ALPK2: variants seen among roughly 807,000 people sequenced by gnomAD.
ALPK2 encodes the protein alpha-protein kinase 2.
ALPK2 carries 127 observed loss-of-function variants against 163.1 expected under a neutral mutation model. The ratio of observed to expected loss-of-function variants is 0.78; its 90% CI spans 0.67 to 0.90. The LOEUF is 0.90. Ranked by LOEUF, ALPK2 falls within the 40% of genes least tolerant of loss-of-function variation. The pLI is 0.00. For missense variants in ALPK2, 2,360 were observed against 2,589.6 expected, an observed-to-expected ratio of 0.91 and a Z score of 1.92; for synonymous variants, 953 against 959.1, an observed-to-expected ratio of 0.99 and a Z score of 0.12.
intron 10 of ALPK2, among the ~76,000 whole-genome samples, chr18:58,504,671 C>T (rs575721874): frequency 1.3e-5 from 2 of 152,266 alleles, no homozygotes; most frequent in South Asian, 2.1e-4. Flanking sequence ...AGGGCTCTCA[C>T]CTTTAAATGA....
intron 8 of ALPK2, among the ~76,000 whole-genome samples, chr18:58,520,461 G>GGA (rs922198129): frequency 8.0e-6 from 1 of 125,016 alleles, no homozygotes; most frequent in African/African-American, 2.9e-5. Context: ...AAAAGAATCA[G>GGA]GAGAGACTCA....
At chr18:58,575,141 G>A (rs1228541285) in intron 4 of ALPK2, among the ~76,000 whole-genome samples, 2 of 149,124 alleles carry the variant, frequency 1.3e-5, no homozygotes, top group Admixed American at 1.3e-4. Flanking sequence ...TGAACCTGGG[G>A]GGCAGAGGTT....
At chr18:58,569,841 G>C (rs530386712) in intron 4 of ALPK2, among the ~76,000 whole-genome samples, 1 of 152,166 alleles carries the variant, frequency 6.6e-6, no homozygotes, top group Non-Finnish European at 1.5e-5. Flanking sequence ...AGAAACCTCC[G>C]CCCTTCTGGC....
chr18:58,482,662 C>T (rs1367875920), intron 12 of ALPK2, among the ~76,000 whole-genome samples: 1 of 152,186 alleles, frequency 6.6e-6, no homozygotes, highest in Admixed American at 6.5e-5. Flanking sequence ...TCTGGCAGAA[C>T]CTTTGTCTCC....
At chr18:58,565,272 G>C (rs1322369130) in intron 4 of ALPK2, among the ~76,000 whole-genome samples, 4 of 152,220 alleles carry the variant, frequency 2.6e-5, no homozygotes, top group Middle Eastern at 3.2e-3. Flanking sequence ...TCGATATTGA[G>C]AAGTGAAACT....
chr18:58,482,088 T>G (rs752439718), intron 12 of ALPK2, 49 bp from the exon 13 acceptor site: 1 of 1,429,430 alleles, frequency 7.0e-7, no homozygotes, highest in Non-Finnish European at 9.8e-7. Context: ...CAGGACACTT[T>G]CATCAGTTTA....
At chr18:58,508,861 A>C (rs554319681) in intron 10 of ALPK2, among the ~76,000 whole-genome samples, 26 of 151,632 alleles carry the variant, frequency 1.7e-4, no homozygotes, top group African/African-American at 6.3e-4. Context: ...CTTTCCGGTA[A>C]CAGCTCTATG....
At chr18:58,554,270 G>A (rs1349541533) in intron 4 of ALPK2, among the ~76,000 whole-genome samples, 1 of 152,204 alleles carries the variant, frequency 6.6e-6, no homozygotes, top group Non-Finnish European at 1.5e-5. Flanking sequence ...TCTCAGGGTA[G>A]ATCTATGTGG....
rs1415450050 is a variant in ALPK2 at position 58,536,046 on chromosome 18, G to A, written c.4141C>T (p.Leu1381Phe). ...AAGAAGGCAGTGTGATCCATCTTGA[G>A]TTGTTTTTCCTCCTGGTCTTGACTC... is the stretch of plus-strand genomic sequence containing the variant. ...NVSQDQEEKQ[L>F]KMDHTAFFKK... Residue 1381 changes from leucine to phenylalanine, a missense_variant, in exon 5 of 13, where the codon CTC becomes TTC. Transcript: ENST00000361673. The A allele has an allele frequency of 6.2e-7, 1 of 1,614,056 alleles. No individual in the cohort carries two copies. The highest frequency in any genetic ancestry group is 1.3e-5 in the African/African-American group (1 of 74,918).
At chr18:58,581,166 G>A (rs145887793) in intron 3 of ALPK2, among the ~76,000 whole-genome samples, 2 of 151,916 alleles carry the variant, frequency 1.3e-5, no homozygotes, top group Admixed American at 6.6e-5. Flanking sequence ...TTTATGTTAC[G>A]GGAATTTGAA....
chr18:58,486,936 G>A (rs1265338634), intron 12 of ALPK2, among the ~76,000 whole-genome samples: 1 of 152,220 alleles, frequency 6.6e-6, no homozygotes, highest in African/African-American at 2.4e-5. Flanking sequence ...GGAAGTGCAG[G>A]TTTCCCTGCT....
chr18:58,554,558 C>A (rs1216413208), intron 4 of ALPK2, among the ~76,000 whole-genome samples: 1 of 152,230 alleles, frequency 6.6e-6, no homozygotes, highest in Non-Finnish European at 1.5e-5. Flanking sequence ...TCCCTGGCAG[C>A]CTGCCAAGGG....
In ALPK2 at chr18:58,535,567, A is replaced by T. The variant is rs2051640310; in HGVS notation, c.4620T>A (p.Pro1540=). 1 of 1,614,188 alleles carries T rather than the reference A, an allele frequency of 6.2e-7. No individual in the cohort carries two copies. Among genetic ancestry groups the T allele is most frequent in the Non-Finnish European group, 8.5e-7 (1 of 1,180,020 alleles). Residue 1540 remains proline, a synonymous_variant, in exon 5 of 13, where the codon CCT becomes CCA. Transcript: ENST00000361673. ...DKAELISPTS[P]LSSCLPIMTH... is the part of the protein sequence containing the mutation. The stretch of plus-strand genomic sequence containing the variant: ...TCATTATTGGAAGACAACTAGAAAG[A>T]GGTGAAGTGGGGGAAATCAATTCTG...
rs2051941151 is a variant in ALPK2 at position 58,579,239 on chromosome 18, C to G, written c.1537G>C (p.Glu513Gln). The change falls in exon 4 of 13, where the codon GAG (glutamate) becomes CAG (glutamine). Residue 513 changes from glutamate to glutamine, a missense_variant. Physicochemically the swap from Glu to Gln is conservative, Grantham distance 29. Coordinates refer to ENST00000361673, the MANE Select transcript of ALPK2 (RefSeq NM_052947.4). Reference sequence around the variant, plus strand: ...CCCACTCTCTTGTCAGCTGCCGTCTCCCAACACTGGCTCATCCCTGAGTTT... The same window carrying G: ...CCCACTCTCTTGTCAGCTGCCGTCTGCCAACACTGGCTCATCCCTGAGTTT... ...SENSGMSQCW[E>Q]TAADKRVGGK... is the part of the protein sequence containing the mutation. The G allele has an allele frequency of 9.3e-6, 15 of 1,614,146 alleles. 1 individual carries two copies. The highest frequency in any genetic ancestry group is 1.6e-4 in the Middle Eastern group (1 of 6,062).
Position 58,537,089 on chromosome 18 carries a change from G to C in ALPK2, c.3098C>G (p.Ala1033Gly). 6.2e-7 allele frequency: 1 copy of C among 1,614,230 alleles called. No individual in the cohort carries two copies. Among genetic ancestry groups the C allele is most frequent in the Non-Finnish European group, 8.5e-7 (1 of 1,180,032 alleles). ...AGGGAACCTCTCCTCAGTGCCACCT[G>C]CATGCTTGTCCTCAGGAATTGACAC... ...LAVSIPEDKH[A>G]GGTEERFPRA... The change falls in exon 5 of 13, where the codon GCA (alanine) becomes GGA (glycine). Residue 1033 changes from alanine to glycine, a missense_variant. By Grantham distance (60) the Ala-to-Gly change is moderately conservative. Transcript: ENST00000361673.
intron 1 of ALPK2, 51 bp from the exon 2 acceptor site, chr18:58,611,868 G>T: frequency 8.4e-7 from 1 of 1,190,954 alleles, no homozygotes; most frequent in Non-Finnish European, 1.2e-6. Context: ...GGATTTCTCT[G>T]GCCTTCTTAG....
intron 11 of ALPK2, among the ~76,000 whole-genome samples, chr18:58,503,704 A>T (rs1442781101): frequency 1.3e-5 from 2 of 152,154 alleles, no homozygotes; most frequent in Non-Finnish European, 2.9e-5. Flanking sequence ...GTCCCCCCCT[A>T]GAATTTTTTT....
intron 1 of ALPK2, among the ~76,000 whole-genome samples, chr18:58,617,867 T>C (rs2052178346): frequency 6.6e-6 from 1 of 152,224 alleles, no homozygotes; most frequent in East Asian, 1.9e-4. Flanking sequence ...TGGTATTCCA[T>C]AGTATAGCAA....
At position 58,481,924 on chromosome 18, in the gene ALPK2, GGTT is replaced by G. The variant is rs1363247130; in HGVS notation, c.6409_6411del (p.Asn2137del). ...CCAATGCTCGGCTGCTTCTGTTTCT[GGTT>G]GTTGTTTTGAAGGGATTTCAGTCCC... On this transcript the variant is annotated inframe_deletion, in exon 13 of 13. Coordinates refer to ENST00000361673, the MANE Select transcript of ALPK2 (RefSeq NM_052947.4). 1.9e-6 allele frequency: 3 copies of G among 1,613,978 alleles called. No homozygotes were observed. Among genetic ancestry groups the G allele is most frequent in the Non-Finnish European group, 2.5e-6 (3 of 1,180,032 alleles).
Sources: allele counts gnomAD v4.1 joint callset (sites outside exome capture counted in the v4.1 genomes callset), GRCh38; gene constraint gnomAD v4.1.1; transcripts MANE v1.5; gene names NCBI Gene and HGNC (gene_info 2026-07-23, HGNC 2026-07-21).